Variants in PLAUR observed in about 807,000 individuals in gnomAD.
PLAUR encodes the protein plasminogen activator, urokinase receptor.
Under a neutral mutation model 33.4 loss-of-function variants are expected in PLAUR, and 22 were observed. That is an observed-to-expected ratio of 0.66 (90% CI 0.47 to 0.94). The LOEUF is 0.94. Among genes scored for constraint, PLAUR ranks in the 40% least tolerant of loss-of-function variants. PLAUR has a pLI of 0.00. For missense variants in PLAUR, 408 were observed against 434.7 expected, an observed-to-expected ratio of 0.94 and a Z score of 0.55; for synonymous variants, 148 against 167.3, an observed-to-expected ratio of 0.88 and a Z score of 0.89.
At chr19:43,663,260 TAATC>T (rs974865506) in intron 3 of PLAUR, among the ~76,000 whole-genome samples, 1 of 150,716 alleles carries the variant, frequency 6.6e-6, no homozygotes, top group African/African-American at 2.4e-5. Context: ...ATTAACCTAA[TAATC>T]AGTCACTGTC....
chr19:43,661,998 C>T (rs1967018279), intron 3 of PLAUR, among the ~76,000 whole-genome samples: 1 of 152,156 alleles, frequency 6.6e-6, no homozygotes, highest in South Asian at 2.1e-4. Context: ...TTCCAAAGTG[C>T]TGGGATTACA....
At chr19:43,663,085 G>A (rs1967073195) in intron 3 of PLAUR, among the ~76,000 whole-genome samples, 1 of 152,042 alleles carries the variant, frequency 6.6e-6, no homozygotes, top group Admixed American at 6.6e-5. Context: ...CCTGAGTCAG[G>A]TATCTCCTCT....
intron 3 of PLAUR, among the ~76,000 whole-genome samples, chr19:43,659,740 C>T (rs1289642542): frequency 6.6e-6 from 1 of 152,194 alleles, no homozygotes; most frequent in Non-Finnish European, 1.5e-5. Flanking sequence ...ACCTGGCAGA[C>T]CCCCTTATCT....
At chr19:43,657,629 T>C (rs4251868) in intron 3 of PLAUR, among the ~76,000 whole-genome samples, 10,228 of 152,226 alleles carry the variant, frequency 0.067, 417 homozygotes, top group Middle Eastern at 0.19. Flanking sequence ...CACACCCCTG[T>C]ACTCCCCCAT....
chr19:43,646,132 T>A (rs764381258), downstream of PLAUR: 7 of 195,404 alleles, frequency 3.6e-5, no homozygotes, highest in Admixed American at 5.6e-5. Context: ...GGAGATGAGG[T>A]CTCACTGTGT....
rs752857990 is a variant in PLAUR, at chr19:43,666,565, C to CCTTT, written c.166+1012_166+1015dup. Among the ~76,000 whole-genome samples, 42 of 137,078 alleles carry CCTTT rather than the reference C, an allele frequency of 3.1e-4. No individual in the cohort carries two copies. In the East Asian group the frequency reaches 5.6e-3, roughly 18 times the overall value. 89.9% of individuals were successfully genotyped at this position (137,078 alleles called of 152,430 possible). On this transcript the variant is annotated intron_variant, in intron 2 of 6. Coordinates refer to ENST00000340093, the MANE Select transcript of PLAUR (RefSeq NM_002659.4). ...TCTTTCTCTCTCTCTCTCTTCCTTT[C>CCTTT]CTTTCTTTCTTTCTTTCTTGAGATG...
rs754258882 is a variant in PLAUR, at chr19:43,667,721, G to A, written c.56-30C>T. 3 of 1,610,658 alleles carry A rather than the reference G, an allele frequency of 1.9e-6. No individual in the cohort carries two copies. The South Asian group carries it at 3.3e-5, about 18-fold the overall frequency. On this transcript the variant is annotated intron_variant, in intron 1 of 6. Coordinates refer to ENST00000340093, the MANE Select transcript of PLAUR (RefSeq NM_002659.4). ...GGGAAGGAGGGAGAGGAGAGGAGAG[G>A]TTAACTACGCTTAGCTCCAAGACCC...
intron 3 of PLAUR, among the ~76,000 whole-genome samples, chr19:43,660,332 ATTTTT>A (rs58331143): frequency 1.4e-5 from 2 of 144,906 alleles, no homozygotes; most frequent in African/African-American, 2.5e-5. Context: ...TACCCGGCTA[ATTTTT>A]TTTTTTTTTG....
intron 3 of PLAUR, chr19:43,664,987 T>G: frequency 5.1e-5 from 16 of 312,420 alleles, no homozygotes; most frequent in African/African-American, 6.2e-5. Context: ...GGGGTGGGGA[T>G]TTGGGTAGTC....
At chr19:43,653,583 TG>T (rs1427866437) in intron 5 of PLAUR, among the ~76,000 whole-genome samples, 1 of 150,860 alleles carries the variant, frequency 6.6e-6, no homozygotes, top group African/African-American at 2.4e-5. Context: ...CGCTTGAACC[TG>T]GGAGGCGGAG....
chr19:43,670,049 C>A lies in PLAUR; in HGVS notation c.55+17G>T, dbSNP rs923520441. On this transcript the variant is annotated intron_variant, in intron 1 of 6. Coordinates refer to ENST00000340093, the MANE Select transcript of PLAUR (RefSeq NM_002659.4). Reference sequence around the variant, plus strand: ...AGACCCTGTTCCAGGCGCAGGCGTTCGGGACCCAGCCCCTACCTGGGACGC... The same window carrying A: ...AGACCCTGTTCCAGGCGCAGGCGTTAGGGACCCAGCCCCTACCTGGGACGC... 1.9e-6 allele frequency: 3 copies of A among 1,612,220 alleles called. No homozygotes were observed. Among genetic ancestry groups the A allele is most frequent in the African/African-American group, 2.7e-5 (2 of 74,848 alleles).
chr19:43,663,458 G>A (rs745687198), intron 3 of PLAUR, among the ~76,000 whole-genome samples: 2 of 151,798 alleles, frequency 1.3e-5, no homozygotes, highest in Non-Finnish European at 2.9e-5. Flanking sequence ...AACTATGCAA[G>A]TTGCCACAAG....
At chr19:43,665,080 G>T in intron 3 of PLAUR, 1 of 567,792 alleles carries the variant, frequency 1.8e-6, no homozygotes, top group Non-Finnish European at 3.2e-6. Context: ...AACAGTGTTA[G>T]GGTAACATGA....
chr19:43,653,595 G>T (rs182412597), intron 5 of PLAUR, among the ~76,000 whole-genome samples: 97 of 148,868 alleles, frequency 6.5e-4, no homozygotes, highest in African/African-American at 2.1e-3. Context: ...GGAGGCGGAG[G>T]TTGCAGTGAG....
At chr19:43,646,558 A>G (rs1169829833), downstream of PLAUR, 2 of 716,958 alleles carry the variant, frequency 2.8e-6, no homozygotes, top group East Asian at 5.4e-5. Flanking sequence ...TCTAAGATTC[A>G]GAAAGTGAAA....
intron 3 of PLAUR, 197 bp from the exon 4 acceptor site, chr19:43,656,837 C>T (rs548828435): frequency 1.5e-4 from 69 of 453,562 alleles, no homozygotes; most frequent in Non-Finnish European, 2.2e-4. Context: ...CAGCTCAGAC[C>T]TCCTTCAACT....
rs935572378 is a variant in PLAUR, at chr19:43,648,793, G to T, written c.*97C>A. The T allele has an allele frequency of 6.0e-6, 8 of 1,324,580 alleles. No individual in the cohort carries two copies. Among genetic ancestry groups the T allele is most frequent in the Non-Finnish European group, 8.4e-6 (8 of 951,132 alleles). 82.1% of individuals were successfully genotyped at this position (1,324,580 alleles called of 1,614,324 possible). Reference sequence around the variant, plus strand: ...TGAGGCCCAGAGAGGTCGGCACACTGGCCTGAGGTCACACAGCAAGTCTGT... The same window carrying T: ...TGAGGCCCAGAGAGGTCGGCACACTTGCCTGAGGTCACACAGCAAGTCTGT... On this transcript the variant is annotated 3_prime_UTR_variant, in exon 7 of 7. Coordinates refer to ENST00000340093, the MANE Select transcript of PLAUR (RefSeq NM_002659.4).
At chr19:43,647,933 G>C (rs886550340), downstream of PLAUR, among the ~76,000 whole-genome samples, 7 of 141,796 alleles carry the variant, frequency 4.9e-5, no homozygotes, top group Non-Finnish European at 1.0e-4. Context: ...TTAGGTTAGA[G>C]AGCCCTTTTT....
intron 3 of PLAUR, among the ~76,000 whole-genome samples, chr19:43,657,709 C>A (rs1410389977): frequency 1.3e-5 from 2 of 152,232 alleles, no homozygotes; most frequent in African/African-American, 4.8e-5. Flanking sequence ...CCCAGGAGGG[C>A]AGGGCCAGGG....
Sources: allele counts gnomAD v4.1 joint callset (sites outside exome capture counted in the v4.1 genomes callset), GRCh38; gene constraint gnomAD v4.1.1; transcripts MANE v1.5; gene names NCBI Gene and HGNC (gene_info 2026-07-23, HGNC 2026-07-21).